SLC41A1: variants seen among roughly 807,000 people sequenced by gnomAD.
SLC41A1 encodes solute carrier family 41 member 1.
Under a neutral mutation model 47.3 loss-of-function variants are expected in SLC41A1, and 20 were observed. The ratio of observed to expected loss-of-function variants is 0.42; its 90% CI spans 0.30 to 0.61. SLC41A1 has a LOEUF of 0.61. Among genes scored for constraint, SLC41A1 ranks in the 20% least tolerant of loss-of-function variants. The pLI is 0.17. For missense variants in SLC41A1, 504 were observed against 674.1 expected (o/e 0.75, Z 2.79); for synonymous variants, 282 against 272.7 (o/e 1.03, Z -0.34).
chr1:205,808,435 G>GC (rs1230180784), intron 2 of SLC41A1, among the ~76,000 whole-genome samples: 2 of 152,124 alleles, frequency 1.3e-5, no homozygotes, highest in Non-Finnish European at 2.9e-5. Flanking sequence ...CTACCGAAGA[G>GC]CCCCCCAAAT....
At chr1:205,804,347 T>A (rs928804772) in intron 2 of SLC41A1, among the ~76,000 whole-genome samples, 1 of 152,084 alleles carries the variant, frequency 6.6e-6, no homozygotes, top group Non-Finnish European at 1.5e-5. Flanking sequence ...TGCCTGAGCT[T>A]CTGGTCTGGC....
chr1:205,796,829 C>G (rs575172821), intron 8 of SLC41A1, 95 bp downstream of exon 8: 18 of 1,253,840 alleles, frequency 1.4e-5, no homozygotes, highest in Non-Finnish European at 1.8e-5. Flanking sequence ...CTGCTGGAAC[C>G]CTGACTGATA....
At chr1:205,811,254 C>T (rs1316351874) in intron 1 of SLC41A1, among the ~76,000 whole-genome samples, 167 bp from the exon 2 acceptor site, 1 of 152,192 alleles carries the variant, frequency 6.6e-6, no homozygotes, top group East Asian at 1.9e-4. Flanking sequence ...TGCACTGCTC[C>T]ATCTGGAGGC....
rs755931842 is a variant in SLC41A1 at position 205,798,005 on chromosome 1, G to A, written c.891C>T (p.Ala297=). 2 of 1,614,102 alleles carry A rather than the reference G, an allele frequency of 1.2e-6. No homozygotes were observed. The highest frequency in any genetic ancestry group is 2.2e-5 in the South Asian group (2 of 91,074). Residue 297 remains alanine (A), a synonymous_variant, in exon 7 of 11, where the codon GCC becomes GCT. Coordinates refer to ENST00000367137, the MANE Select transcript of SLC41A1 (RefSeq NM_173854.6). The part of the protein sequence containing the change: ...IYPLVCAFFV[A]LLPVWVVLAR... ...CCAGCACCACCCAGACAGGCAGCAG[G>A]GCCACAAAGAAAGCACACACCAGTG...
Position 205,798,000 on chromosome 1 carries a change from A to G in SLC41A1, c.896T>C (p.Leu299Pro). The G allele has an allele frequency of 2.5e-6, 4 of 1,614,168 alleles. No homozygotes were observed. The highest frequency in any genetic ancestry group is 3.4e-6 in the Non-Finnish European group (4 of 1,180,034). The change falls in exon 7 of 11, where the codon CTG becomes CCG. Residue 299 changes from leucine to proline, a missense_variant. By Grantham distance (98) the Leu-to-Pro change is moderately conservative. Coordinates refer to ENST00000367137, the MANE Select transcript of SLC41A1 (RefSeq NM_173854.6). Reference protein sequence around the residue: ...PLVCAFFVALLPVWVVLARRS... With the variant: ...PLVCAFFVALPPVWVVLARRS... ...TCGGGCCAGCACCACCCAGACAGGC[A>G]GCAGGGCCACAAAGAAAGCACACAC...
chr1:205,810,020 C>T lies in SLC41A1; in HGVS notation c.372+50G>A. On this transcript the variant is annotated intron_variant, in intron 2 of 10. Transcript: ENST00000367137. The surrounding 1 kb of genome is among the most constrained non-coding windows in gnomAD (Gnocchi z 5.5). ...AGGAAGTTCCAAGTTTCCCAGCAGG[C>T]AAAGGTGGCCCTGGGCTCACAGTCA... 1.2e-6 allele frequency: 2 copies of T among 1,612,980 alleles called. No homozygotes were observed. The highest frequency in any genetic ancestry group is 1.7e-6 in the Non-Finnish European group (2 of 1,179,630).
At chr1:205,802,672 C>T (rs1406290338) in intron 2 of SLC41A1, among the ~76,000 whole-genome samples, 1 of 147,860 alleles carries the variant, frequency 6.8e-6, no homozygotes, top group African/African-American at 2.6e-5. Flanking sequence ...GAGCCAAGAT[C>T]GCACCACTGC....
chr1:205,792,258 C>T (rs565907941), intron 10 of SLC41A1, among the ~76,000 whole-genome samples: 15 of 152,336 alleles, frequency 9.8e-5, no homozygotes, highest in Admixed American at 6.5e-4. Context: ...CTGGCTTCCT[C>T]CTGACCCTTT....
At chr1:205,804,903 T>C (rs1322967214) in intron 2 of SLC41A1, among the ~76,000 whole-genome samples, 1 of 152,210 alleles carries the variant, frequency 6.6e-6, no homozygotes, top group Non-Finnish European at 1.5e-5. Context: ...CAAGCAATGT[T>C]TTCTGAGCTG....
intron 2 of SLC41A1, among the ~76,000 whole-genome samples, chr1:205,808,626 TCTC>T (rs1297878973): frequency 6.6e-6 from 1 of 152,150 alleles, no homozygotes; most frequent in Non-Finnish European, 1.5e-5. Flanking sequence ...CTAGTCTCTT[TCTC>T]CTCCTCCTAC....
In SLC41A1 at chr1:205,789,534, C is replaced by T. The variant is rs752356341; in HGVS notation, c.*1999G>A. 2.0e-5 allele frequency: 3 copies of T among 152,002 alleles called. No homozygotes were observed. Among genetic ancestry groups the T allele is most frequent in the African/African-American group, 4.8e-5 (2 of 41,338 alleles). The allele number at this position is 152,002 out of a possible 1,614,324, so 9.4% of individuals were successfully genotyped here. A position where few individuals can be genotyped will look rare whatever the true frequency, so the allele number is the denominator to read the frequency against. ...AGAGGAGTTGGTTTTGATGCCTGTACAAGAAGAATCTGTGTGTAAGTATTT... is the reference window on the plus strand; with the variant it reads ...AGAGGAGTTGGTTTTGATGCCTGTATAAGAAGAATCTGTGTGTAAGTATTT... On this transcript the variant is annotated 3_prime_UTR_variant, in exon 11 of 11. Coordinates refer to ENST00000367137, the MANE Select transcript of SLC41A1 (RefSeq NM_173854.6).
Position 205,795,999 on chromosome 1 carries a change from A to G in SLC41A1, c.1073-521T>C, listed in dbSNP as rs139638816. ...TCTGGAATCTGGTATCTCCGCCAGG[A>G]CCTGTGCTGATTTCTCTGTTGCCCT... On this transcript the variant is annotated intron_variant, in intron 8 of 10. Coordinates refer to ENST00000367137, the MANE Select transcript of SLC41A1 (RefSeq NM_173854.6). 4.0e-3 allele frequency: 902 copies of G among 223,532 alleles called. 23 individuals carry two copies. The highest frequency in any genetic ancestry group is 0.033 in the South Asian group (468 of 13,988). 13.8% of individuals were successfully genotyped at this position (223,532 alleles called of 1,614,324 possible).
Position 205,810,265 on chromosome 1 carries a change from C to G in SLC41A1, c.177G>C (p.Gly59=). The part of the protein sequence containing the change: ...VVIESRANAK[G]VREEDALLEN... ...CCAGCAGGGCGTCCTCCTCCCGAAC[C>G]CCCTTGGCGTTGGCCCGAGACTCAA... Residue 59 remains glycine, a synonymous_variant, in exon 2 of 11, where the codon GGG becomes GGC. Coordinates refer to ENST00000367137, the MANE Select transcript of SLC41A1 (RefSeq NM_173854.6). This position sits in a 1 kb window ranked among gnomAD's most constrained non-coding sequence, Gnocchi z 5.5. 6.2e-7 allele frequency: 1 copy of G among 1,614,196 alleles called. No homozygotes were observed. The highest frequency in any genetic ancestry group is 8.5e-7 in the Non-Finnish European group (1 of 1,180,022).
intron 6 of SLC41A1, 147 bp from the exon 7 acceptor site, chr1:205,798,198 G>A (rs1429468335): frequency 7.8e-7 from 1 of 1,277,754 alleles, no homozygotes; most frequent in Non-Finnish European, 1.1e-6. Context: ...ATCTTCACTG[G>A]CAGCTCAGGA....
At chr1:205,795,257 T>G in intron 9 of SLC41A1, 87 bp downstream of exon 9, 1 of 1,597,020 alleles carries the variant, frequency 6.3e-7, no homozygotes, top group Non-Finnish European at 8.6e-7. Context: ...AACCTGTGGA[T>G]CTGGGGCCCC....
chr1:205,796,900 T>C (rs1655762486), intron 8 of SLC41A1, 24 bp downstream of exon 8: 2 of 1,607,970 alleles, frequency 1.2e-6, no homozygotes, highest in South Asian at 2.2e-5. Flanking sequence ...CCCTGCCCTC[T>C]GATAGCTGAT....
rs1307496240 is a variant in SLC41A1 at position 205,810,367 on chromosome 1, T to C, written c.75A>G (p.Ser25=). 7 of 1,614,024 alleles carry C rather than the reference T, an allele frequency of 4.3e-6. No individual in the cohort carries two copies. The highest frequency in any genetic ancestry group is 1.7e-5 in the Admixed American group (1 of 60,010). ...GTGPSASPCS[S]DGPGREPLAG... The stretch of plus-strand genomic sequence containing the variant: ...CCAAGGGCTCTCTCCCTGGGCCATC[T>C]GAAGAGCAGGGAGAGGCAGAAGGGC... Residue 25 remains serine (S), a synonymous_variant, in exon 2 of 11, where the codon TCA becomes TCG. Coordinates refer to ENST00000367137, the MANE Select transcript of SLC41A1 (RefSeq NM_173854.6). The surrounding 1 kb of genome is among the most constrained non-coding windows in gnomAD (Gnocchi z 5.5).
intron 3 of SLC41A1, among the ~76,000 whole-genome samples, chr1:205,800,751 T>C (rs955944672): frequency 3.3e-5 from 5 of 152,108 alleles, no homozygotes; most frequent in African/African-American, 1.2e-4. Flanking sequence ...GGGAACCACT[T>C]TGGGCAGGGA....
intron 10 of SLC41A1, among the ~76,000 whole-genome samples, chr1:205,792,623 G>A (rs904044103): frequency 5.3e-5 from 8 of 152,140 alleles, no homozygotes; most frequent in Admixed American, 5.2e-4. Flanking sequence ...ATTTACATGC[G>A]CTTTTAAGTT....
Sources: allele counts gnomAD v4.1 joint callset (sites outside exome capture counted in the v4.1 genomes callset), GRCh38; gene constraint gnomAD v4.1.1; non-coding constraint Gnocchi (gnomAD v3.1); transcripts MANE v1.5; gene names NCBI Gene and HGNC (gene_info 2026-07-23, HGNC 2026-07-21).